The following CNTNAP2 variants were observed in gnomAD, a reference collection of about 807,000 sequenced individuals.
CNTNAP2 encodes contactin-associated protein-like 2.
CNTNAP2 carries 98 observed loss-of-function variants against 155.2 expected under a neutral mutation model. The observed-to-expected ratio is 0.63, with a 90% CI of 0.54 to 0.75. CNTNAP2 has a LOEUF of 0.75. Ranked by LOEUF, CNTNAP2 falls within the 30% of genes least tolerant of loss-of-function variation. The probability of loss-of-function intolerance (pLI) is 0.00; values close to 1 mark genes in which losing one functional copy is unlikely to be tolerated. For missense variants in CNTNAP2, 1,727 were observed against 1,688.1 expected (o/e 1.02, Z -0.40); for synonymous variants, 651 against 631.2 (o/e 1.03, Z -0.47).
At chr7:148,001,716 A>G (rs1715811322) in intron 15 of CNTNAP2, among the ~76,000 whole-genome samples, 2 of 152,250 alleles carry the variant, frequency 1.3e-5, no homozygotes, top group African/African-American at 4.8e-5. Flanking sequence ...CAATGTGTCT[A>G]TGAAGCCATC....
chr7:146,962,918 G>T (rs1179638719), intron 3 of CNTNAP2: 1 of 152,210 alleles, frequency 6.6e-6, no homozygotes, highest in South Asian at 2.1e-4. Context: ...ATTCACCCTA[G>T]ACTGCTCTCC....
chr7:147,045,745 G>T (rs1799344645), intron 4 of CNTNAP2, among the ~76,000 whole-genome samples: 2 of 151,978 alleles, frequency 1.3e-5, no homozygotes, highest in Non-Finnish European at 2.9e-5. Flanking sequence ...AAGAAAATGT[G>T]ATATTTTTGT....
intron 13 of CNTNAP2, among the ~76,000 whole-genome samples, chr7:147,824,530 C>A (rs1584975292): frequency 6.6e-6 from 1 of 152,120 alleles, no homozygotes; most frequent in Admixed American, 6.6e-5. Context: ...ATCATTAAAT[C>A]TCACATCAGA....
At chr7:147,675,910 T>A (rs1795858909) in intron 13 of CNTNAP2, among the ~76,000 whole-genome samples, 1 of 152,084 alleles carries the variant, frequency 6.6e-6, no homozygotes, top group Non-Finnish European at 1.5e-5. Flanking sequence ...GTTTCCCCCT[T>A]TTAAAAATAA....
intron 13 of CNTNAP2, among the ~76,000 whole-genome samples, chr7:147,679,018 C>T (rs1197823454): frequency 6.6e-6 from 1 of 151,848 alleles, no homozygotes; most frequent in African/African-American, 2.4e-5. Context: ...CTCTTTTCAA[C>T]TACTGTACTT....
At chr7:146,733,488 T>TA (rs1327398035) in intron 1 of CNTNAP2, among the ~76,000 whole-genome samples, 2 of 152,120 alleles carry the variant, frequency 1.3e-5, no homozygotes, top group South Asian at 2.1e-4. Context: ...AACCATGTTT[T>TA]AAAAAATCTA....
intron 8 of CNTNAP2, among the ~76,000 whole-genome samples, chr7:147,201,814 G>A (rs1166757490): frequency 2.0e-5 from 3 of 152,062 alleles, no homozygotes; most frequent in African/African-American, 7.2e-5. Flanking sequence ...TTGTTTTCTT[G>A]TTTGCTTTTT....
At chr7:147,125,390 G>A (rs573878198) in intron 6 of CNTNAP2, among the ~76,000 whole-genome samples, 3 of 152,288 alleles carry the variant, frequency 2.0e-5, no homozygotes, top group Non-Finnish European at 4.4e-5. Context: ...ACACTGCAAA[G>A]TGGGCCAATC....
Position 146,218,250 on chromosome 7 carries a change from C to G in CNTNAP2, c.97+101277C>G, listed in dbSNP as rs1799147055. ...ATCGGCCGGGCGCGGTGGCTCACGC[C>G]TGTAATCCCAGCACTTTGGGAGGCC... On this transcript the variant is annotated intron_variant, in intron 1 of 23. Coordinates refer to ENST00000361727, the MANE Select transcript of CNTNAP2 (RefSeq NM_014141.6). Among the ~76,000 whole-genome samples the G allele has an allele frequency of 2.6e-5, 4 of 152,296 alleles. No individual in the cohort carries two copies. The South Asian group carries it at 8.3e-4, about 32-fold the overall frequency.
At chr7:147,694,428 T>G (rs1191541069) in intron 13 of CNTNAP2, among the ~76,000 whole-genome samples, 1 of 152,184 alleles carries the variant, frequency 6.6e-6, no homozygotes, top group Non-Finnish European at 1.5e-5. Context: ...TATAAATTTC[T>G]TCTTTAATTA....
chr7:146,520,862 A>G (rs1022626522), intron 1 of CNTNAP2, among the ~76,000 whole-genome samples: 1 of 151,960 alleles, frequency 6.6e-6, no homozygotes, highest in Admixed American at 6.6e-5. Flanking sequence ...TAATGTAAAA[A>G]GTAGACAATG....
intron 14 of CNTNAP2, among the ~76,000 whole-genome samples, chr7:147,971,830 C>T (rs1801340040): frequency 6.6e-6 from 1 of 152,206 alleles, no homozygotes; most frequent in Admixed American, 6.5e-5. Context: ...ATTCTTGAGT[C>T]ATATGGTGTG....
rs1161809405 is a variant in CNTNAP2, at chr7:146,269,751, G to T, written c.97+152778G>T. On this transcript the variant is annotated intron_variant, in intron 1 of 23. Transcript: ENST00000361727. ...AACATTATTAATTCCAACTAACTCTGTATACACTTTCCAGCGGTTGCACTG... is the reference window on the plus strand; with the variant it reads ...AACATTATTAATTCCAACTAACTCTTTATACACTTTCCAGCGGTTGCACTG... Among the ~76,000 whole-genome samples, 9 of 152,174 alleles carry T rather than the reference G, an allele frequency of 5.9e-5. No homozygotes were observed. The East Asian group carries it at 1.2e-3, about 20-fold the overall frequency.
intron 3 of CNTNAP2, among the ~76,000 whole-genome samples, chr7:146,951,643 A>T (rs1473223971): frequency 6.6e-6 from 1 of 151,986 alleles, no homozygotes; most frequent in African/African-American, 2.4e-5. Context: ...TGTTTGTTCC[A>T]TTGGTCTATA....
At chr7:147,426,823 TTGGATGGA>T (rs751231663) in intron 10 of CNTNAP2, among the ~76,000 whole-genome samples, 317 of 152,062 alleles carry the variant, frequency 2.1e-3, no homozygotes, top group Middle Eastern at 3.4e-3. Context: ...TTAGTTTTTG[TTGGATGGA>T]TGGATGGATG....
intron 3 of CNTNAP2, among the ~76,000 whole-genome samples, chr7:146,937,876 G>A (rs1442622039): frequency 6.6e-6 from 1 of 152,164 alleles, no homozygotes; most frequent in Non-Finnish European, 1.5e-5. Flanking sequence ...TAGAAGCTTA[G>A]GGTTGTTTAT....
chr7:146,679,347 C>CTT (rs34541415), intron 1 of CNTNAP2, among the ~76,000 whole-genome samples: 61,794 of 106,892 alleles, frequency 0.58, 20,548 homozygotes, highest in South Asian at 0.82. Flanking sequence ...GATCTTGTTT[C>CTT]TTTTTTTTTT....
intron 1 of CNTNAP2, among the ~76,000 whole-genome samples, chr7:146,276,850 T>C (rs749396068): frequency 1.1e-4 from 17 of 152,202 alleles, no homozygotes; most frequent in Non-Finnish European, 1.6e-4. Flanking sequence ...ATAAAAATAC[T>C]AAATGACTGA....
chr7:147,201,635 C>G (rs554934801), intron 8 of CNTNAP2, among the ~76,000 whole-genome samples: 1 of 152,188 alleles, frequency 6.6e-6, no homozygotes, highest in East Asian at 1.9e-4. Context: ...ACATCCTCAC[C>G]AGCACTGTCA....
Sources: allele counts gnomAD v4.1 joint callset (sites outside exome capture counted in the v4.1 genomes callset), GRCh38; gene constraint gnomAD v4.1.1; transcripts MANE v1.5; gene names NCBI Gene and HGNC (gene_info 2026-07-23, HGNC 2026-07-21).